The following MYO16 variants were observed in gnomAD, a reference collection of about 807,000 sequenced individuals.
The protein encoded by MYO16 is unconventional myosin-XVI.
A neutral mutation model predicts 205.3 loss-of-function variants in MYO16; 94 were observed. The ratio of observed to expected loss-of-function variants is 0.46; its 90% confidence interval spans 0.39 to 0.54. The LOEUF (loss-of-function observed/expected upper bound fraction) is 0.54, where lower values mean the gene tolerates loss of function less well. MYO16 is among the 20% of genes least tolerant of loss of function. The probability of loss-of-function intolerance (pLI) is 0.00; values close to 1 mark genes in which losing one functional copy is unlikely to be tolerated. For synonymous variants in MYO16, 988 were observed against 954.0 expected (o/e 1.04, Z -0.66); for missense variants, 2,315 against 2,387.5 (o/e 0.97, Z 0.63).
At position 108,605,688 on chromosome 13, in the gene MYO16, T is replaced by A. The variant is rs548018912; in HGVS notation, c.-39+9449T>A. Among the ~76,000 whole-genome samples the A allele has an allele frequency of 5.3e-5, 8 of 152,318 alleles. No homozygotes were observed. The South Asian group carries it at 1.5e-3, about 28-fold the overall frequency. ...CAGCCATGCAGAACTGTGAGTTAATTAAACCTCTTTCCTTTATAAATTTCC... is the reference window on the plus strand; with the variant it reads ...CAGCCATGCAGAACTGTGAGTTAATAAAACCTCTTTCCTTTATAAATTTCC... On this transcript the variant is annotated intron_variant, in intron 1 of 24. Transcript: ENST00000251041.
intron 1 of MYO16, among the ~76,000 whole-genome samples, chr13:108,644,350 A>C (rs1006778254): frequency 7.2e-6 from 1 of 138,604 alleles, no homozygotes; most frequent in Non-Finnish European, 1.5e-5. Flanking sequence ...TCTACCATCT[A>C]TCTGTCTGTC....
the MYO16 span, among the ~76,000 whole-genome samples, chr13:108,589,567 A>G: frequency 6.6e-6 from 1 of 152,160 alleles, no homozygotes; most frequent in Non-Finnish European, 1.5e-5. Flanking sequence ...ACTGTCTTCA[A>G]TCCAAAAAAG....
chr13:108,964,668 G>A, intron 19 of MYO16, 93 bp from the exon 20 acceptor site: 2 of 1,280,048 alleles, frequency 1.6e-6, no homozygotes, highest in Non-Finnish European at 2.2e-6. Flanking sequence ...TCTTGTGGAT[G>A]TGTGGGGAAT....
the MYO16 span, among the ~76,000 whole-genome samples, chr13:108,588,985 G>A: frequency 1.3e-5 from 2 of 151,900 alleles, no homozygotes; most frequent in Non-Finnish European, 2.9e-5. Context: ...CATTGGAATC[G>A]GTGTTGAATA....
chr13:108,712,569 G>T (rs1298901755), intron 2 of MYO16, 92 bp from the exon 3 acceptor site: 2 of 1,096,342 alleles, frequency 1.8e-6, no homozygotes, highest in Non-Finnish European at 2.8e-6. Flanking sequence ...ACAGCTGTTT[G>T]CATTTTAGAT....
At chr13:109,144,023 A>G (rs2139815433) in intron 32 of MYO16, among the ~76,000 whole-genome samples, 1 of 102,208 alleles carries the variant, frequency 9.8e-6, no homozygotes, top group Admixed American at 1.2e-4. Context: ...GTGTATAATA[A>G]TTCTTTTTTT....
intron 9 of MYO16, among the ~76,000 whole-genome samples, chr13:108,832,169 G>T (rs1423916289): frequency 7.8e-6 from 1 of 128,364 alleles, no homozygotes; most frequent in African/African-American, 2.9e-5. Flanking sequence ...TTGAGACAGA[G>T]TCTCGCTCTA....
chr13:109,117,404 A>ATATGTGTATATATG (rs1875753658), intron 28 of MYO16, among the ~76,000 whole-genome samples: 1 of 145,058 alleles, frequency 6.9e-6, no homozygotes, highest in Admixed American at 7.1e-5. Flanking sequence ...ATATGTATAT[A>ATATGTGTATATATG]TATATGTGTA....
intron 28 of MYO16, among the ~76,000 whole-genome samples, chr13:109,104,182 A>T (rs568392156): frequency 6.6e-6 from 1 of 152,080 alleles, no homozygotes; most frequent in Non-Finnish European, 1.5e-5. Context: ...TGTTCTTTCC[A>T]CTGCATTTAA....
At chr13:108,566,627 G>A in the MYO16 span, among the ~76,000 whole-genome samples, 2 of 150,016 alleles carry the variant, frequency 1.3e-5, no homozygotes, top group Non-Finnish European at 1.5e-5. Flanking sequence ...GTGAGACTGT[G>A]TAAGAAAGAA....
At chr13:108,507,668 A>T in the MYO16 span, among the ~76,000 whole-genome samples, 1 of 152,158 alleles carries the variant, frequency 6.6e-6, no homozygotes, top group African/African-American at 2.4e-5. Context: ...TCCTCAGATT[A>T]GAGAAGTTTC....
chr13:108,590,755 G>A, the MYO16 span, among the ~76,000 whole-genome samples: 9 of 151,840 alleles, frequency 5.9e-5, no homozygotes, highest in Non-Finnish European at 1.2e-4. Flanking sequence ...TCCACAAGTC[G>A]TAGACCACCA....
chr13:108,753,242 C>T (rs142057098), intron 4 of MYO16, among the ~76,000 whole-genome samples: 28 of 151,642 alleles, frequency 1.8e-4, no homozygotes, highest in Non-Finnish European at 3.1e-4. Flanking sequence ...TGTTGGCGGG[C>T]GCCTGTAATC....
intron 20 of MYO16, among the ~76,000 whole-genome samples, chr13:108,969,676 C>A (rs1217765295): frequency 6.6e-6 from 1 of 152,238 alleles, no homozygotes; most frequent in Middle Eastern, 3.2e-3. Context: ...GCTTCTTTTA[C>A]AGTGTTAGCA....
In MYO16 at chr13:109,022,694, A is replaced by G. The variant is rs1471317989; in HGVS notation, c.2796+2783A>G. ...TATATATACACATATAAACATGTAT[A>G]TATTTATATATTATATATACGCATA... On this transcript the variant is annotated intron_variant, in intron 23 of 34. Coordinates refer to ENST00000457511, the MANE Select transcript of MYO16 (RefSeq NM_001198950.3). 6.2e-4 allele frequency among the ~76,000 whole-genome samples: 77 copies of G among 124,656 alleles called. 21 individuals carry two copies. In the East Asian group the frequency reaches 0.016, roughly 25 times the overall value. 81.8% of individuals were successfully genotyped at this position (124,656 alleles called of 152,430 possible). A position where few individuals can be genotyped will look rare whatever the true frequency, so the allele number is the denominator to read the frequency against.
intron 1 of MYO16, among the ~76,000 whole-genome samples, chr13:108,656,807 C>A (rs768218894): frequency 6.6e-5 from 10 of 152,224 alleles, no homozygotes; most frequent in South Asian, 2.1e-4. Context: ...GAATCCGCTT[C>A]ATTCTCAGCT....
rs993630861 is a variant in MYO16, at chr13:108,951,789, C to T, written c.1926-5899C>T. ...CTCAACCCAGCACTTAAGATCAAGA[C>T]ACCTCTTCACTGCTTAAAAAATACA... On this transcript the variant is annotated intron_variant, in intron 16 of 34. Coordinates refer to ENST00000457511, the MANE Select transcript of MYO16 (RefSeq NM_001198950.3). Among the ~76,000 whole-genome samples the T allele has an allele frequency of 5.3e-5, 8 of 152,110 alleles. 1 individual carries two copies. The highest frequency in any genetic ancestry group is 1.9e-4 in the African/African-American group (8 of 41,422).
chr13:108,829,809 A>T lies in MYO16; in HGVS notation c.1097+6531A>T, dbSNP rs1031938041. 2.0e-5 allele frequency among the ~76,000 whole-genome samples: 3 copies of T among 152,172 alleles called. No homozygotes were observed. The South Asian group carries it at 6.2e-4, about 31-fold the overall frequency. On this transcript the variant is annotated intron_variant, in intron 9 of 34. Coordinates refer to ENST00000457511, the MANE Select transcript of MYO16 (RefSeq NM_001198950.3). ...TGCCCCTTTTGACCTTAATAAAAGG[A>T]TAAGACTCACAATAGATTTGGGAAA... is the stretch of plus-strand genomic sequence containing the variant.
At chr13:108,745,401 T>C (rs1885029148) in intron 4 of MYO16, among the ~76,000 whole-genome samples, 4 of 152,098 alleles carry the variant, frequency 2.6e-5, no homozygotes, top group Admixed American at 2.6e-4. Context: ...CAAGGAAGAT[T>C]GGAGAGAGGT....
Sources: gnomAD v4.1 joint callset for allele counts (sites outside exome capture counted in the v4.1 genomes callset) on GRCh38, gnomAD v4.1.1 for gene constraint, MANE v1.5 for transcripts, NCBI Gene and HGNC (gene_info 2026-07-23, HGNC 2026-07-21) for gene names.